VPS35L: variants seen among roughly 807,000 people sequenced by gnomAD.
VPS35L encodes the protein VPS35 endosomal protein sorting factor like.
A neutral mutation model predicts 133.0 loss-of-function variants in VPS35L; 83 were observed. That is an observed-to-expected ratio of 0.62 (90% CI 0.52 to 0.75). VPS35L has a LOEUF of 0.75. Ranked by LOEUF, VPS35L falls within the 30% of genes least tolerant of loss-of-function variation. The pLI, the probability that VPS35L is intolerant of heterozygous loss-of-function variation, is 0.00. For synonymous variants in VPS35L, 423 were observed against 449.9 expected (o/e 0.94, Z 0.76); for missense variants, 1,083 against 1,206.8 (o/e 0.90, Z 1.52).
intron 26 of VPS35L, among the ~76,000 whole-genome samples, chr16:19,666,907 T>TCTTC (rs1974691510): frequency 2.5e-5 from 2 of 81,144 alleles, no homozygotes; most frequent in African/African-American, 1.1e-4. Flanking sequence ...TTTCTTTCTT[T>TCTTC]CTTTCTTTCT....
chr16:19,698,429 C>T (rs56100071), intron 29 of VPS35L, among the ~76,000 whole-genome samples: 23,467 of 152,052 alleles, frequency 0.15, 2,032 homozygotes, highest in South Asian at 0.26. Flanking sequence ...TCCAGTGATT[C>T]GAGGGCCCAC....
At chr16:19,662,483 TC>T (rs1156513687) in intron 26 of VPS35L, among the ~76,000 whole-genome samples, 3 of 152,190 alleles carry the variant, frequency 2.0e-5, no homozygotes, top group Non-Finnish European at 4.4e-5. Context: ...AGCATTGGCC[TC>T]CATAAGCCGG....
chr16:19,559,652 T>C (rs1970965189), intron 1 of VPS35L, among the ~76,000 whole-genome samples: 1 of 152,126 alleles, frequency 6.6e-6, no homozygotes, highest in Non-Finnish European at 1.5e-5. Context: ...CAAAATATGA[T>C]GGTTTACTGT....
chr16:19,694,307 CT>C (rs1210562992), intron 29 of VPS35L: 1 of 152,112 alleles, frequency 6.6e-6, no homozygotes, highest in African/African-American at 2.4e-5. Context: ...TTTAAAAGAC[CT>C]TTTACAAACA....
chr16:19,586,606 C>T lies in VPS35L; in HGVS notation c.639+4953C>T, dbSNP rs1971872835. 2.0e-5 allele frequency among the ~76,000 whole-genome samples: 3 copies of T among 152,276 alleles called. No homozygotes were observed. The South Asian group carries it at 6.2e-4, about 32-fold the overall frequency. On this transcript the variant is annotated intron_variant, in intron 7 of 30. Coordinates refer to ENST00000417362, the MANE Select transcript of VPS35L (RefSeq NM_020314.7). ...CCACCTGCCTCGGCCTCCCAAAGTGCCAGGATTACAGGCGTGAGCCACCGT... is the reference window on the plus strand; with the variant it reads ...CCACCTGCCTCGGCCTCCCAAAGTGTCAGGATTACAGGCGTGAGCCACCGT...
At chr16:19,646,000 CAACTCCTGGTTTCA>C (rs1973937007) in intron 23 of VPS35L, among the ~76,000 whole-genome samples, 1 of 151,708 alleles carries the variant, frequency 6.6e-6, no homozygotes, top group Admixed American at 6.6e-5. Context: ...CAGGGGTTTC[CAACTCCTGGTTTCA>C]AACAATCCTC....
rs565243778 is a variant in VPS35L at position 19,565,075 on chromosome 16, T to C, written c.117+125T>C. ...TGCATATTTGATTTTTTTTTTTTTT[T>C]CAGAGTCTTGCTCTGTCGCCCAGGC... On this transcript the variant is annotated intron_variant, in intron 2 of 30. Transcript: ENST00000417362. 1.0e-3 allele frequency: 607 copies of C among 603,416 alleles called. 2 individuals carry two copies. The highest frequency in any genetic ancestry group is 0.01 in the African/African-American group (492 of 49,058). 37.4% of individuals were successfully genotyped at this position (603,416 alleles called of 1,614,324 possible). A position where few individuals can be genotyped will look rare whatever the true frequency, so the allele number is the denominator to read the frequency against.
intron 27 of VPS35L, among the ~76,000 whole-genome samples, chr16:19,673,666 T>C (rs1974951843): frequency 6.6e-6 from 1 of 152,216 alleles, no homozygotes; most frequent in African/African-American, 2.4e-5. Context: ...GGTTTAGTAA[T>C]GATATGAGAC....
chr16:19,569,517 A>G lies in VPS35L; in HGVS notation c.211A>G (p.Ser71Gly), dbSNP rs1372283652. ...CAGCTCCGTGGTGGACCCGCTGAGC[A>G]GCGTCCTCGATGGGACTGACCCCCT... ...SSSSVVDPLS[S>G]VLDGTDPLSM... Residue 71 changes from serine to glycine, a missense_variant, in exon 3 of 31, where the codon AGC becomes GGC. Transcript: ENST00000417362. 1 of 1,610,574 alleles carries G rather than the reference A, an allele frequency of 6.2e-7. No individual in the cohort carries two copies. The highest frequency in any genetic ancestry group is 1.1e-5 in the South Asian group (1 of 90,386).
In VPS35L at chr16:19,561,782, C is replaced by T. The variant is rs921923078; in HGVS notation, c.18-3069C>T. ...TGTTTTACTGGGATGGGATATTTTA[C>T]AAATGAGAAGTGCACATGTCTTTTG... On this transcript the variant is annotated intron_variant, in intron 1 of 30. Coordinates refer to ENST00000417362, the MANE Select transcript of VPS35L (RefSeq NM_020314.7). Among the ~76,000 whole-genome samples, 176 of 152,188 alleles carry T rather than the reference C, an allele frequency of 1.2e-3. 1 individual carries two copies. Among genetic ancestry groups the T allele is most frequent in the East Asian group, 1.9e-4 (1 of 5,172 alleles).
chr16:19,656,178 C>G (rs575345461), intron 26 of VPS35L, among the ~76,000 whole-genome samples: 2 of 150,032 alleles, frequency 1.3e-5, no homozygotes, highest in Admixed American at 1.3e-4. Context: ...GCACGAGAAT[C>G]GCTTGAACCC....
chr16:19,642,112 A>T (rs1372145476), intron 21 of VPS35L, among the ~76,000 whole-genome samples: 1 of 152,138 alleles, frequency 6.6e-6, no homozygotes, highest in Non-Finnish European at 1.5e-5. Context: ...TGGGAGGCTG[A>T]GGCAGGAGGA....
intron 5 of VPS35L, among the ~76,000 whole-genome samples, chr16:19,575,559 C>CT (rs1971504118): frequency 7.5e-6 from 1 of 133,662 alleles, no homozygotes; most frequent in African/African-American, 3.0e-5. Context: ...GGAATGCCGT[C>CT]TTAAAAAAAA....
intron 25 of VPS35L, among the ~76,000 whole-genome samples, chr16:19,650,981 C>G (rs146160833): frequency 0.014 from 2,163 of 150,156 alleles, 74 homozygotes; most frequent in African/African-American, 0.05. Context: ...CAAGTTCAAG[C>G]GATTCTCCTA....
intron 1 of VPS35L, among the ~76,000 whole-genome samples, chr16:19,556,415 G>T (rs1285519049): frequency 6.6e-6 from 1 of 152,182 alleles, no homozygotes; most frequent in Admixed American, 6.5e-5. Flanking sequence ...CATAGGGAGG[G>T]CGTGGCGTGT....
In VPS35L at chr16:19,654,557, AAAG is replaced by A. The variant is rs554938815; in HGVS notation, c.2221+2470_2221+2472del. On this transcript the variant is annotated intron_variant, in intron 26 of 30. Transcript: ENST00000417362. ...AGCAAGACTGTCTTGAAAAAAAAAA[AAAG>A]AAAGAAACAACAATGGGTTAGTGAG... Among the ~76,000 whole-genome samples, 758 of 152,144 alleles carry A rather than the reference AAAG, an allele frequency of 5.0e-3. 7 individuals carry two copies. The highest frequency in any genetic ancestry group is 0.017 in the Middle Eastern group (5 of 292).
At chr16:19,691,744 G>A (rs911007910) in intron 29 of VPS35L, among the ~76,000 whole-genome samples, 2 of 152,068 alleles carry the variant, frequency 1.3e-5, no homozygotes, top group African/African-American at 4.8e-5. Context: ...CTGTCTGAAG[G>A]AGCCACCACC....
At chr16:19,681,037 G>A (rs980432110) in intron 27 of VPS35L, among the ~76,000 whole-genome samples, 2 of 152,108 alleles carry the variant, frequency 1.3e-5, no homozygotes, top group Admixed American at 6.6e-5. Context: ...GGCTACCAAG[G>A]AGCCGTCTGG....
At chr16:19,568,410 G>GT (rs5816057) in intron 2 of VPS35L, among the ~76,000 whole-genome samples, 21,727 of 139,530 alleles carry the variant, frequency 0.16, 1,681 homozygotes, top group African/African-American at 0.2. Context: ...CATTTTTCAT[G>GT]TTTTTTTTTT....
Sources: allele counts gnomAD v4.1 joint callset (sites outside exome capture counted in the v4.1 genomes callset), GRCh38; gene constraint gnomAD v4.1.1; transcripts MANE v1.5; gene names NCBI Gene and HGNC (gene_info 2026-07-23, HGNC 2026-07-21).